The following MCC variants were observed in gnomAD, a reference collection of about 807,000 sequenced individuals.
The protein encoded by MCC is colorectal mutant cancer protein.
MCC carries 90 observed loss-of-function variants against 116.2 expected under a neutral mutation model. The observed-to-expected ratio is 0.77, with a 90% CI of 0.65 to 0.92. The LOEUF is 0.92. Among genes scored for constraint, MCC ranks in the 40% least tolerant of loss-of-function variants. The pLI is 0.00. For synonymous variants in MCC, 578 were observed against 510.5 expected, an observed-to-expected ratio of 1.13 and a Z score of -1.78; for missense variants, 1,516 against 1,312.2, an observed-to-expected ratio of 1.16 and a Z score of -2.40.
chr5:113,376,876 T>C (rs1007058895), intron 2 of MCC, among the ~76,000 whole-genome samples: 1 of 152,114 alleles, frequency 6.6e-6, no homozygotes, highest in African/African-American at 2.4e-5. Flanking sequence ...TGCATTCTTA[T>C]AGTCTGAGTG....
intron 3 of MCC, among the ~76,000 whole-genome samples, chr5:113,269,574 T>C (rs766806155): frequency 2.6e-5 from 4 of 152,234 alleles, no homozygotes; most frequent in Non-Finnish European, 4.4e-5. Flanking sequence ...GTAAGGTCTT[T>C]ATCTTCCCCA....
rs533755491 is a variant in MCC, at chr5:113,103,383, C to A, written c.1191+809G>T. On this transcript the variant is annotated intron_variant, in intron 7 of 18. Coordinates refer to ENST00000408903, the MANE Select transcript of MCC (RefSeq NM_001085377.2). The stretch of plus-strand genomic sequence containing the variant: ...TTCCCTCTCAACTCCGAGGTTGGGG[C>A]TAGACCCAAGTTGACATTACAATCA... 2.0e-5 allele frequency among the ~76,000 whole-genome samples: 3 copies of A among 152,294 alleles called. No homozygotes were observed. The East Asian group carries it at 5.8e-4, about 29-fold the overall frequency.
chr5:113,106,924 C>G (rs967083422), intron 6 of MCC, among the ~76,000 whole-genome samples: 5 of 152,282 alleles, frequency 3.3e-5, no homozygotes, highest in Non-Finnish European at 2.9e-5. Flanking sequence ...CTATCTAAAG[C>G]ATGGAGTTTC....
intron 3 of MCC, among the ~76,000 whole-genome samples, chr5:113,288,396 G>A (rs1274276062): frequency 6.6e-6 from 1 of 152,166 alleles, no homozygotes; most frequent in East Asian, 1.9e-4. Context: ...TACACAGGTA[G>A]TGGGTCACAG....
At chr5:113,257,619 C>T (rs149487236) in intron 3 of MCC, among the ~76,000 whole-genome samples, 1 of 152,166 alleles carries the variant, frequency 6.6e-6, no homozygotes, top group East Asian at 1.9e-4. Flanking sequence ...GTACAGAAAA[C>T]CCTTCAGAAA....
At chr5:113,133,510 T>C (rs1330229952) in intron 5 of MCC, among the ~76,000 whole-genome samples, 1 of 152,104 alleles carries the variant, frequency 6.6e-6, no homozygotes, top group Admixed American at 6.5e-5. Context: ...ATTGTGTGTA[T>C]CTTCATCTAT....
chr5:113,073,410 T>C (rs1297669377), intron 11 of MCC, among the ~76,000 whole-genome samples: 1 of 152,238 alleles, frequency 6.6e-6, no homozygotes. Context: ...GCTTCCATAA[T>C]GTCAATCAGA....
chr5:113,354,010 T>C (rs1187231412), intron 2 of MCC, among the ~76,000 whole-genome samples: 1 of 152,216 alleles, frequency 6.6e-6, no homozygotes, highest in Non-Finnish European at 1.5e-5. Context: ...ATTCTATTGA[T>C]TAGGACAAGC....
chr5:113,193,324 C>T (rs776078320), intron 3 of MCC, among the ~76,000 whole-genome samples: 1 of 147,968 alleles, frequency 6.8e-6, no homozygotes, highest in Non-Finnish European at 1.5e-5. Flanking sequence ...GTAAAATATT[C>T]AGTAATTCTG....
intron 5 of MCC, among the ~76,000 whole-genome samples, chr5:113,124,132 T>A (rs1757897641): frequency 6.6e-6 from 1 of 152,264 alleles, no homozygotes; most frequent in Non-Finnish European, 1.5e-5. Context: ...GGGAAAGCTT[T>A]ATGTAGATAT....
chr5:113,327,561 A>AAATATATATATATATATAT (rs1480996383), intron 3 of MCC, among the ~76,000 whole-genome samples: 20 of 80,550 alleles, frequency 2.5e-4, no homozygotes, highest in Non-Finnish European at 4.0e-4. Context: ...AAAAAAAAAA[A>AAATATATATATATATATAT]ATATATATAT....
At chr5:113,070,480 C>CA (rs1455391268) in intron 12 of MCC, among the ~76,000 whole-genome samples, 2 of 149,390 alleles carry the variant, frequency 1.3e-5, no homozygotes, top group African/African-American at 4.9e-5. Flanking sequence ...GTTTTCATGA[C>CA]AAAAAATCAG....
Position 113,340,578 on chromosome 5 carries a change from T to A in MCC, c.568A>T (p.Thr190Ser). 6.2e-7 allele frequency: 1 copy of A among 1,614,164 alleles called. No individual in the cohort carries two copies. The highest frequency in any genetic ancestry group is 8.5e-7 in the Non-Finnish European group (1 of 1,180,002). The part of the protein sequence containing the change: ...HQQAALHKLL[T>S]QSPHIGNSVG... ...GAGTTGCCAATGTGCGGGGACTGTGTGAGCAGTTTGTGGAGAGCAGCCTGC... is the reference window on the plus strand; with the variant it reads ...GAGTTGCCAATGTGCGGGGACTGTGAGAGCAGTTTGTGGAGAGCAGCCTGC... Residue 190 changes from threonine (T) to serine (S), a missense_variant, in exon 3 of 19, where the codon ACA (threonine) becomes TCA (serine). Coordinates refer to ENST00000408903, the MANE Select transcript of MCC (RefSeq NM_001085377.2).
intron 3 of MCC, among the ~76,000 whole-genome samples, chr5:113,215,430 AATTGAGGT>A (rs948432633): frequency 2.0e-5 from 3 of 152,144 alleles, no homozygotes; most frequent in African/African-American, 7.2e-5. Flanking sequence ...CACCCTTCAA[AATTGAGGT>A]ATTGAAACTC....
At chr5:113,357,032 T>C (rs1322750148) in intron 2 of MCC, among the ~76,000 whole-genome samples, 12 of 152,252 alleles carry the variant, frequency 7.9e-5, no homozygotes. Flanking sequence ...TGGGGTTTTG[T>C]AGTCATGCTG....
intron 2 of MCC, among the ~76,000 whole-genome samples, chr5:113,357,644 A>C (rs1255009752): frequency 6.6e-6 from 1 of 152,364 alleles, no homozygotes; most frequent in East Asian, 1.9e-4. Context: ...AGTGGGCTCA[A>C]CCATGTGCAC....
chr5:113,472,106 T>C (rs388363), intron 1 of MCC, among the ~76,000 whole-genome samples: 104,820 of 152,022 alleles, frequency 0.69, 36,568 homozygotes, highest in East Asian at 0.88. Context: ...ATCCCTTGCA[T>C]TTCCCGGGTG....
At chr5:113,327,450 G>T (rs1274525373) in intron 3 of MCC, among the ~76,000 whole-genome samples, 1 of 149,064 alleles carries the variant, frequency 6.7e-6, no homozygotes, top group Non-Finnish European at 1.5e-5. Context: ...GGAGGCTGAG[G>T]CAGAAGAATC....
At chr5:113,219,857 A>G (rs1008549268) in intron 3 of MCC, among the ~76,000 whole-genome samples, 2 of 151,854 alleles carry the variant, frequency 1.3e-5, no homozygotes, top group Admixed American at 6.6e-5. Flanking sequence ...TGTTTTTCCT[A>G]TGCCATTTTC....
Sources: gnomAD v4.1 joint callset for allele counts (sites outside exome capture counted in the v4.1 genomes callset) on GRCh38, gnomAD v4.1.1 for gene constraint, MANE v1.5 for transcripts, NCBI Gene and HGNC (gene_info 2026-07-23, HGNC 2026-07-21) for gene names.